PPP1R12B: variants seen among roughly 807,000 people sequenced by gnomAD.
The protein encoded by PPP1R12B is protein phosphatase 1 regulatory subunit 12B.
In PPP1R12B, 76 loss-of-function variants were observed where a neutral mutation model predicts 126.1. That is an observed-to-expected ratio of 0.60 (90% CI 0.50 to 0.73). PPP1R12B has a LOEUF of 0.73. Ranked by LOEUF, PPP1R12B falls within the 30% of genes least tolerant of loss-of-function variation. The probability of loss-of-function intolerance (pLI) is 0.00; values close to 1 mark genes in which losing one functional copy is unlikely to be tolerated. For missense variants in PPP1R12B, 1,052 were observed against 1,205.1 expected (o/e 0.87, Z 1.88); for synonymous variants, 356 against 434.7 (o/e 0.82, Z 2.25).
chr1:202,493,257 A>AT lies in PPP1R12B; in HGVS notation c.2085_2086insT (p.Val696CysfsTer19), dbSNP rs1331998169. On this transcript the variant is annotated frameshift_variant, in exon 15 of 24. Coordinates refer to ENST00000608999, the MANE Select transcript of PPP1R12B (RefSeq NM_002481.4). LOFTEE classifies it high-confidence loss of function. Reference sequence around the variant, plus strand: ...GCCCTGAGAAGCATGAGCCCTCAGCAGTTCCAGCAACAGAAGCTGGGGAGG... The same window carrying AT: ...GCCCTGAGAAGCATGAGCCCTCAGCATGTTCCAGCAACAGAAGCTGGGGAGG... 6.2e-7 allele frequency: 1 copy of AT among 1,612,964 alleles called. No individual in the cohort carries two copies. The highest frequency in any genetic ancestry group is 8.5e-7 in the Non-Finnish European group (1 of 1,179,844).
At chr1:202,484,571 T>C (rs1422445697) in intron 13 of PPP1R12B, among the ~76,000 whole-genome samples, 1 of 152,238 alleles carries the variant, frequency 6.6e-6, no homozygotes, top group African/African-American at 2.4e-5. Context: ...AATTTACCTC[T>C]ATTGGTGAGT....
intron 1 of PPP1R12B, among the ~76,000 whole-genome samples, chr1:202,412,168 A>C (rs1469860273): frequency 2.0e-5 from 3 of 152,158 alleles, no homozygotes; most frequent in Non-Finnish European, 4.4e-5. Flanking sequence ...ATTTTGTATC[A>C]AACTGGCTGT....
chr1:202,533,347 G>A (rs1032326376), intron 18 of PPP1R12B, among the ~76,000 whole-genome samples: 1 of 152,130 alleles, frequency 6.6e-6, no homozygotes, highest in Non-Finnish European at 1.5e-5. Context: ...CTGAAGTGCA[G>A]TAGTATGATC....
chr1:202,371,995 C>T (rs1660366560), intron 1 of PPP1R12B, among the ~76,000 whole-genome samples: 1 of 151,586 alleles, frequency 6.6e-6, no homozygotes, highest in Non-Finnish European at 1.5e-5. Context: ...CCTCAGCCTC[C>T]CGAGTAGCTG....
intron 1 of PPP1R12B, among the ~76,000 whole-genome samples, chr1:202,359,847 A>G (rs975942039): frequency 1.3e-5 from 2 of 152,148 alleles, no homozygotes; most frequent in Admixed American, 6.5e-5. Context: ...GCACACCTAA[A>G]AGTCAAAATC....
intron 1 of PPP1R12B, among the ~76,000 whole-genome samples, chr1:202,415,145 T>G (rs1667903591): frequency 6.6e-6 from 1 of 152,148 alleles, no homozygotes; most frequent in African/African-American, 2.4e-5. Flanking sequence ...TATGTATACT[T>G]TCCATTTTCT....
rs1679127360 is a variant in PPP1R12B, at chr1:202,493,267, A to G, written c.2095A>G (p.Thr699Ala). Residue 699 changes from threonine (T) to alanine (A), a missense_variant, in exon 15 of 24, where the codon ACA becomes GCA. By Grantham distance (58) the Thr-to-Ala change is moderately conservative (BLOSUM62 0). Coordinates refer to ENST00000608999, the MANE Select transcript of PPP1R12B (RefSeq NM_002481.4). The stretch of plus-strand genomic sequence containing the variant: ...GCATGAGCCCTCAGCAGTTCCAGCA[A>G]CAGAAGCTGGGGAGGGCCAGCAGCC... ...EKHEPSAVPA[T>A]EAGEGQQPWG... is the part of the protein sequence containing the mutation. 6.2e-7 allele frequency: 1 copy of G among 1,612,822 alleles called. No homozygotes were observed. Among genetic ancestry groups the G allele is most frequent in the Non-Finnish European group, 8.5e-7 (1 of 1,179,826 alleles).
chr1:202,394,766 G>A (rs545985642), intron 1 of PPP1R12B, among the ~76,000 whole-genome samples: 2 of 150,536 alleles, frequency 1.3e-5, no homozygotes, highest in East Asian at 3.9e-4. Context: ...GAAAAAAAAA[G>A]GAAGGAAGGG....
At chr1:202,436,861 T>G (rs990216945) in intron 9 of PPP1R12B, among the ~76,000 whole-genome samples, 3 of 149,932 alleles carry the variant, frequency 2.0e-5, no homozygotes, top group Non-Finnish European at 4.5e-5. Context: ...TTTTTTTTTG[T>G]TTTTTTTTGT....
intron 1 of PPP1R12B, among the ~76,000 whole-genome samples, chr1:202,404,284 TG>T (rs1226698967): frequency 6.6e-6 from 1 of 152,062 alleles, no homozygotes; most frequent in Non-Finnish European, 1.5e-5. Context: ...GTATGGCAAA[TG>T]AAGCCCTACT....
At chr1:202,469,278 G>A (rs1400116690) in intron 13 of PPP1R12B, among the ~76,000 whole-genome samples, 1 of 152,118 alleles carries the variant, frequency 6.6e-6, no homozygotes, top group Non-Finnish European at 1.5e-5. Flanking sequence ...GTTTAGTATA[G>A]TGGCCAACAT....
At chr1:202,513,848 G>A (rs1179939066) in intron 18 of PPP1R12B, among the ~76,000 whole-genome samples, 1 of 152,116 alleles carries the variant, frequency 6.6e-6, no homozygotes, top group Admixed American at 6.5e-5. Context: ...ACAGAGCCAG[G>A]GCACACCACT....
At chr1:202,462,107 G>A (rs1431690543) in intron 13 of PPP1R12B, among the ~76,000 whole-genome samples, 7 of 152,120 alleles carry the variant, frequency 4.6e-5, no homozygotes, top group African/African-American at 7.2e-5. Context: ...TTATAGTGAC[G>A]ATTGCATAAA....
chr1:202,383,778 T>G (rs1662709049), intron 1 of PPP1R12B, among the ~76,000 whole-genome samples: 1 of 152,192 alleles, frequency 6.6e-6, no homozygotes, highest in Non-Finnish European at 1.5e-5. Flanking sequence ...GTATCTCTTT[T>G]GATATACACA....
At chr1:202,575,245 A>T in intron 23 of PPP1R12B, 1 of 1,408,656 alleles carries the variant, frequency 7.1e-7, no homozygotes. Flanking sequence ...CCGAGCCTCC[A>T]TATGCAGGTT....
In PPP1R12B at chr1:202,496,822, G is replaced by A. The variant is rs1679620792; in HGVS notation, c.2490G>A (p.Trp830Ter). The change falls in exon 18 of 24, where the codon TGG becomes TGA. Residue 830 changes from tryptophan to a stop codon, truncating the protein, a stop_gained and splice_region_variant. Coordinates refer to ENST00000608999, the MANE Select transcript of PPP1R12B (RefSeq NM_002481.4). LOFTEE classifies it high-confidence loss of function. Reference sequence around the variant, plus strand: ...GCTCTGAAGAGGTCAAAGAAACGTGGGTAAGTGACAAGCCAGTGAAGCATG... The same window carrying A: ...GCTCTGAAGAGGTCAAAGAAACGTGAGTAAGTGACAAGCCAGTGAAGCATG... ...TDGSEEVKET[W>*]HERLSRLESG... The A allele has an allele frequency of 6.2e-7, 1 of 1,611,138 alleles. No individual in the cohort carries two copies. Among genetic ancestry groups the A allele is most frequent in the Non-Finnish European group, 8.5e-7 (1 of 1,177,484 alleles).
At chr1:202,535,387 C>T (rs1402738687) in intron 18 of PPP1R12B, among the ~76,000 whole-genome samples, 1 of 151,706 alleles carries the variant, frequency 6.6e-6, no homozygotes, top group African/African-American at 2.4e-5. Flanking sequence ...GTAGAAATTA[C>T]TCAACTGGTT....
At chr1:202,481,002 GT>G (rs1677286659) in intron 13 of PPP1R12B, among the ~76,000 whole-genome samples, 2 of 152,186 alleles carry the variant, frequency 1.3e-5, no homozygotes, top group Admixed American at 6.5e-5. Flanking sequence ...GGCAGTGATG[GT>G]TTTGGGTAAA....
intron 23 of PPP1R12B, among the ~76,000 whole-genome samples, chr1:202,573,742 ATGTC>A (rs1361910390): frequency 1.3e-5 from 2 of 152,166 alleles, no homozygotes; most frequent in Non-Finnish European, 2.9e-5. Flanking sequence ...ATCAGGAAGA[ATGTC>A]TGTGGGCTGG....
Sources: gnomAD v4.1 joint callset for allele counts (sites outside exome capture counted in the v4.1 genomes callset) on GRCh38, gnomAD v4.1.1 for gene constraint, MANE v1.5 for transcripts, NCBI Gene and HGNC (gene_info 2026-07-23, HGNC 2026-07-21) for gene names.